The following BASP1 variants were observed in gnomAD, a reference collection of about 807,000 sequenced individuals.
BASP1 encodes the protein brain acid soluble protein 1.
In BASP1, 1 loss-of-function variant was observed where a neutral mutation model predicts 2.2. That is an observed-to-expected ratio of 0.46 (90% CI 0.16 to 2.17). BASP1 has a LOEUF of 2.17. Ranked by LOEUF, BASP1 falls within the 30% of genes most tolerant of loss-of-function variation. The probability of loss-of-function intolerance (pLI) is 0.27; values close to 1 mark genes in which losing one functional copy is unlikely to be tolerated. For missense variants in BASP1, 352 were observed against 327.2 expected, an observed-to-expected ratio of 1.08 and a Z score of -0.58; for synonymous variants, 187 against 154.2, an observed-to-expected ratio of 1.21 and a Z score of -1.58.
At chr5:17,259,829 G>A (rs578126012) in intron 1 of BASP1, among the ~76,000 whole-genome samples, 2 of 152,294 alleles carry the variant, frequency 1.3e-5, no homozygotes, top group South Asian at 4.2e-4. Flanking sequence ...GCCCATCATG[G>A]TCTGTCTAGT....
chr5:17,223,168 G>A (rs1040346465), intron 1 of BASP1, among the ~76,000 whole-genome samples: 1 of 152,062 alleles, frequency 6.6e-6, no homozygotes, highest in Non-Finnish European at 1.5e-5. Context: ...GGAGGGTTAG[G>A]CATGGTGGGG....
intron 1 of BASP1, among the ~76,000 whole-genome samples, chr5:17,228,848 G>A (rs907601873): frequency 2.9e-4 from 44 of 152,156 alleles, no homozygotes; most frequent in Admixed American, 2.8e-3. Flanking sequence ...CTTTTCTTCA[G>A]TGAGCTAGCC....
At chr5:17,255,216 T>C (rs1290954559) in intron 1 of BASP1, among the ~76,000 whole-genome samples, 1 of 152,232 alleles carries the variant, frequency 6.6e-6, no homozygotes, top group Non-Finnish European at 1.5e-5. Context: ...TCAATCCATT[T>C]ATTTTCTAGA....
intron 1 of BASP1, among the ~76,000 whole-genome samples, chr5:17,252,546 C>G (rs991515906): frequency 6.6e-6 from 1 of 152,142 alleles, no homozygotes; most frequent in East Asian, 1.9e-4. Context: ...TGCCTTGGCA[C>G]CACACCTCCT....
At chr5:17,258,881 T>C (rs1333959601) in intron 1 of BASP1, among the ~76,000 whole-genome samples, 1 of 152,100 alleles carries the variant, frequency 6.6e-6, no homozygotes, top group Non-Finnish European at 1.5e-5. Context: ...CATGGACAAT[T>C]TGGGGTGAAG....
chr5:17,270,863 A>G (rs1000851831), intron 1 of BASP1, among the ~76,000 whole-genome samples: 3 of 152,182 alleles, frequency 2.0e-5, no homozygotes, highest in Non-Finnish European at 2.9e-5. Context: ...TTTAAAGGAA[A>G]CGGAAGGACG....
In BASP1 at chr5:17,276,735, A is replaced by C. The variant is rs967319466; in HGVS notation, c.*835A>C. The C allele has an allele frequency of 1.2e-5, 1 of 84,702 alleles. No homozygotes were observed. Among genetic ancestry groups the C allele is most frequent in the South Asian group, 4.4e-4 (1 of 2,252 alleles). 5.2% of individuals were successfully genotyped at this position (84,702 alleles called of 1,614,324 possible). A position where few individuals can be genotyped will look rare whatever the true frequency, so the allele number is the denominator to read the frequency against. ...ACCACTCATTGGAAAATGGAAAAAA[A>C]AAACAAAAAAAAAACAAAAAAATGT... On this transcript the variant is annotated 3_prime_UTR_variant, in exon 2 of 2. Coordinates refer to ENST00000322611, the MANE Select transcript of BASP1 (RefSeq NM_006317.5).
In BASP1 at chr5:17,236,555, G is replaced by A. The variant is rs1452498869; in HGVS notation, c.-10+18745G>A. On this transcript the variant is annotated intron_variant, in intron 1 of 1. Coordinates refer to ENST00000322611, the MANE Select transcript of BASP1 (RefSeq NM_006317.5). The surrounding 1 kb of genome is among the most constrained non-coding windows in gnomAD (Gnocchi z 4.0). ...GCTGGGATTACAGGCGTGAGCCACC[G>A]CGCTCGGCCGAGAGCTAGTTTCCTG... 3.3e-5 allele frequency among the ~76,000 whole-genome samples: 5 copies of A among 152,224 alleles called. No individual in the cohort carries two copies. Among genetic ancestry groups the A allele is most frequent in the South Asian group, 2.1e-4 (1 of 4,816 alleles).
At chr5:17,250,787 G>A (rs1410778779) in intron 1 of BASP1, among the ~76,000 whole-genome samples, 1 of 152,070 alleles carries the variant, frequency 6.6e-6, no homozygotes, top group Admixed American at 6.6e-5. Context: ...TGTATTTTTA[G>A]TAGAGATGGG....
chr5:17,273,366 A>G (rs1003173401), intron 1 of BASP1, among the ~76,000 whole-genome samples: 1 of 152,208 alleles, frequency 6.6e-6, no homozygotes, highest in Non-Finnish European at 1.5e-5. Flanking sequence ...GCCTGTCTGA[A>G]GCAGGTTATG....
At chr5:17,232,573 G>C (rs1404048660) in intron 1 of BASP1, among the ~76,000 whole-genome samples, 1 of 152,166 alleles carries the variant, frequency 6.6e-6, no homozygotes. Flanking sequence ...TCCAGTAAAG[G>C]GCTGGATACG....
At chr5:17,218,602 G>A (rs558131052) in intron 1 of BASP1, among the ~76,000 whole-genome samples, 39 of 152,066 alleles carry the variant, frequency 2.6e-4, no homozygotes, top group African/African-American at 8.9e-4. Context: ...GCCCCGGCCC[G>A]GGCCCGGGGG....
At chr5:17,240,146 A>ATAAAT (rs1739833561) in intron 1 of BASP1, among the ~76,000 whole-genome samples, 1 of 151,202 alleles carries the variant, frequency 6.6e-6, no homozygotes, top group South Asian at 2.1e-4. Context: ...AAATAAATAA[A>ATAAAT]TAAATAAATA....
chr5:17,259,027 A>G (rs1046048784), intron 1 of BASP1, among the ~76,000 whole-genome samples: 1 of 152,214 alleles, frequency 6.6e-6, no homozygotes, highest in African/African-American at 2.4e-5. Context: ...CTGCATATGT[A>G]TTAGTCCATT....
chr5:17,220,629 C>T (rs567407353), intron 1 of BASP1, among the ~76,000 whole-genome samples: 1 of 152,178 alleles, frequency 6.6e-6, no homozygotes, highest in Non-Finnish European at 1.5e-5. Context: ...AACTGGTACT[C>T]AGTCTGCCAT....
chr5:17,252,561 A>G (rs1161410825), intron 1 of BASP1, among the ~76,000 whole-genome samples: 1 of 152,042 alleles, frequency 6.6e-6, no homozygotes, highest in Admixed American at 6.6e-5. Context: ...CCTCCTGGGG[A>G]GTTTAACCTG....
At chr5:17,249,511 A>G (rs1740059560) in intron 1 of BASP1, among the ~76,000 whole-genome samples, 1 of 152,160 alleles carries the variant, frequency 6.6e-6, no homozygotes, top group South Asian at 2.1e-4. Flanking sequence ...TTCCAGTCAC[A>G]TTGAGTCAAT....
intron 1 of BASP1, among the ~76,000 whole-genome samples, chr5:17,243,350 C>T (rs1264977917): frequency 3.9e-5 from 6 of 152,030 alleles, no homozygotes; most frequent in African/African-American, 1.2e-4. Context: ...GACAGGGTTT[C>T]GCCACGTTGG....
intron 1 of BASP1, among the ~76,000 whole-genome samples, chr5:17,268,109 G>A (rs904652395): frequency 4.0e-5 from 6 of 151,850 alleles, no homozygotes; most frequent in Admixed American, 1.3e-4. Context: ...TTTAAGTATC[G>A]TTGTTTTACT....
Sources: allele counts gnomAD v4.1 joint callset (sites outside exome capture counted in the v4.1 genomes callset), GRCh38; gene constraint gnomAD v4.1.1; non-coding constraint Gnocchi (gnomAD v3.1); transcripts MANE v1.5; gene names NCBI Gene and HGNC (gene_info 2026-07-23, HGNC 2026-07-21).